The following PKP4 variants were observed in gnomAD, a reference collection of about 807,000 sequenced individuals.
The protein encoded by PKP4 is plakophilin 4.
A neutral mutation model predicts 145.1 loss-of-function variants in PKP4; 90 were observed. The observed-to-expected ratio is 0.62, with a 90% confidence interval of 0.52 to 0.74. The LOEUF is 0.74. Among genes scored for constraint, PKP4 ranks in the 30% least tolerant of loss-of-function variants. The pLI is 0.00. For missense variants in PKP4, 1,340 were observed against 1,482.7 expected (o/e 0.90, Z 1.58); for synonymous variants, 563 against 577.2 (o/e 0.98, Z 0.35).
At chr2:158,622,228 C>A (rs149009861) in intron 6 of PKP4, among the ~76,000 whole-genome samples, 4 of 152,176 alleles carry the variant, frequency 2.6e-5, no homozygotes, top group Admixed American at 6.5e-5. Flanking sequence ...AGATAGAATA[C>A]AGCTATTCCT....
intron 3 of PKP4, among the ~76,000 whole-genome samples, chr2:158,593,464 T>G (rs182819667): frequency 6.6e-6 from 1 of 152,138 alleles, no homozygotes; most frequent in Non-Finnish European, 1.5e-5. Flanking sequence ...AGGGAACTGT[T>G]TGTCTCATTT....
At chr2:158,590,312 A>AGAGTGTGT (rs745866962) in intron 3 of PKP4, among the ~76,000 whole-genome samples, 7 of 124,238 alleles carry the variant, frequency 5.6e-5, no homozygotes, top group Non-Finnish European at 1.2e-4. Flanking sequence ...GAATGTCTTG[A>AGAGTGTGT]GTGTGTGTGT....
intron 7 of PKP4, among the ~76,000 whole-genome samples, chr2:158,626,438 TTGTTA>T (rs1459796819): frequency 5.3e-5 from 8 of 152,230 alleles, no homozygotes; most frequent in Non-Finnish European, 1.2e-4. Flanking sequence ...GTTAGGTTGT[TTGTTA>T]TGTTTAGCTG....
intron 3 of PKP4, among the ~76,000 whole-genome samples, chr2:158,584,300 G>C (rs1295130632): frequency 2.6e-5 from 4 of 152,194 alleles, no homozygotes; most frequent in African/African-American, 9.7e-5. Context: ...TGGTTTCCAC[G>C]TGCCAGCGGA....
chr2:158,653,082 A>G (rs1436765816), intron 11 of PKP4, among the ~76,000 whole-genome samples: 1 of 152,230 alleles, frequency 6.6e-6, no homozygotes, highest in East Asian at 1.9e-4. Context: ...GGCAATGTCT[A>G]CAAACACTTG....
intron 1 of PKP4, among the ~76,000 whole-genome samples, chr2:158,494,371 C>T (rs1695377751): frequency 6.6e-6 from 1 of 151,800 alleles, no homozygotes; most frequent in Admixed American, 6.6e-5. Context: ...AAATAATATA[C>T]TTGTAAACTA....
Position 158,621,758 on chromosome 2 carries a change from A to C in PKP4, c.603+337A>C, listed in dbSNP as rs867189536. 9.8e-3 allele frequency among the ~76,000 whole-genome samples: 1,490 copies of C among 152,172 alleles called. 27 individuals are homozygous for C. The highest frequency in any genetic ancestry group is 0.033 in the African/African-American group (1,368 of 41,516). ...GAGACTCCGTCTCAAAACAAAAAAA[A>C]AAAAAAGGAAAAAAAAAGAAATACA... On this transcript the variant is annotated intron_variant, in intron 6 of 21. Transcript: ENST00000389759.
chr2:158,641,614 T>C (rs1014731627), intron 10 of PKP4, among the ~76,000 whole-genome samples: 6 of 152,200 alleles, frequency 3.9e-5, no homozygotes, highest in Non-Finnish European at 1.5e-5. Context: ...TATATAAAAC[T>C]GAAGTGTTTT....
intron 1 of PKP4, among the ~76,000 whole-genome samples, chr2:158,530,504 CTTTTTT>C (rs869120223): frequency 2.1e-3 from 196 of 92,134 alleles, no homozygotes; most frequent in African/African-American, 7.8e-3. Flanking sequence ...CTCTTTCTTT[CTTTTTT>C]TTTTTTTTTT....
chr2:158,604,493 CAAG>C (rs1242941849), intron 4 of PKP4, among the ~76,000 whole-genome samples: 1 of 152,088 alleles, frequency 6.6e-6, no homozygotes, highest in African/African-American at 2.4e-5. Context: ...AAATTAGTGA[CAAG>C]ATAGACCAAT....
At chr2:158,566,957 G>A (rs2047037234) in intron 2 of PKP4, among the ~76,000 whole-genome samples, 1 of 152,152 alleles carries the variant, frequency 6.6e-6, no homozygotes, top group Non-Finnish European at 1.5e-5. Flanking sequence ...TGTTCAATGA[G>A]TTTTCAAAAG....
intron 2 of PKP4, among the ~76,000 whole-genome samples, chr2:158,559,863 C>G (rs541651085): frequency 6.6e-6 from 1 of 151,834 alleles, no homozygotes; most frequent in African/African-American, 2.4e-5. Context: ...CCCACCATCC[C>G]TGTACTGGCC....
intron 1 of PKP4, among the ~76,000 whole-genome samples, chr2:158,478,841 TTTGCTTAAG>T (rs1692909142): frequency 6.6e-6 from 1 of 152,230 alleles, no homozygotes; most frequent in Non-Finnish European, 1.5e-5. Flanking sequence ...GTTTGCCAAG[TTTGCTTAAG>T]GATTCTGAAG....
chr2:158,675,810 A>G (rs2057953901), intron 19 of PKP4, among the ~76,000 whole-genome samples: 1 of 152,224 alleles, frequency 6.6e-6, no homozygotes, highest in Non-Finnish European at 1.5e-5. Flanking sequence ...TAGGAAAAGT[A>G]TTTCATTGTC....
intron 11 of PKP4, among the ~76,000 whole-genome samples, chr2:158,650,155 G>T (rs547256245): frequency 6.6e-6 from 1 of 152,198 alleles, no homozygotes; most frequent in Non-Finnish European, 1.5e-5. Flanking sequence ...GCCCCAGAAG[G>T]ATTCTCTAAT....
chr2:158,522,794 C>A (rs1247309901), intron 1 of PKP4, among the ~76,000 whole-genome samples: 3 of 152,214 alleles, frequency 2.0e-5, no homozygotes, highest in African/African-American at 7.2e-5. Flanking sequence ...CGAGCCAAAG[C>A]AGGGCGAGGC....
At chr2:158,580,755 A>C (rs2105791488) in intron 3 of PKP4, among the ~76,000 whole-genome samples, 1 of 152,282 alleles carries the variant, frequency 6.6e-6, no homozygotes, top group South Asian at 2.1e-4. Context: ...ATGGTAATTG[A>C]TCTACTTGGA....
At chr2:158,679,764 G>A (rs535077786) in intron 21 of PKP4, among the ~76,000 whole-genome samples, 38 of 152,300 alleles carry the variant, frequency 2.5e-4, no homozygotes, top group African/African-American at 7.0e-4. Context: ...CTGGCTTGGG[G>A]AAGCCTTTTC....
intron 11 of PKP4, among the ~76,000 whole-genome samples, chr2:158,652,391 G>A (rs754105143): frequency 3.1e-4 from 47 of 152,156 alleles, no homozygotes; most frequent in Non-Finnish European, 5.1e-4. Context: ...ATTGTAGCAG[G>A]ATGTAGGTGC....
Sources: gnomAD v4.1 joint callset for allele counts (sites outside exome capture counted in the v4.1 genomes callset) on GRCh38, gnomAD v4.1.1 for gene constraint, MANE v1.5 for transcripts, NCBI Gene and HGNC (gene_info 2026-07-23, HGNC 2026-07-21) for gene names.